The following COL25A1 variants were observed in gnomAD, a reference collection of about 807,000 sequenced individuals.
COL25A1 encodes collagen alpha-1(XXV) chain.
A neutral mutation model predicts 128.4 loss-of-function variants in COL25A1; 103 were observed. The ratio of observed to expected loss-of-function variants is 0.80; its 90% CI spans 0.68 to 0.94. COL25A1 has a LOEUF of 0.94. COL25A1 is among the 40% of genes least tolerant of loss of function. The pLI, the probability that COL25A1 is intolerant of heterozygous loss-of-function variation, is 0.00. For synonymous variants in COL25A1, 279 were observed against 277.2 expected (o/e 1.01, Z -0.06); for missense variants, 745 against 840.0 (o/e 0.89, Z 1.40).
rs60794002 is a variant in COL25A1 at position 109,256,085 on chromosome 4, G to GGTGTGTGTGTGTGTGT, written c.367+44482_367+44497dup. On this transcript the variant is annotated intron_variant, in intron 3 of 37. Transcript: ENST00000399132. Reference sequence around the variant, plus strand: ...TGTGGATATTAACATTTTAAGCATTGGTGTGTGTGTGTGTGTGTGTGTGTG... The same window carrying GGTGTGTGTGTGTGTGT: ...TGTGGATATTAACATTTTAAGCATTGGTGTGTGTGTGTGTGTGTGTGTGTGTGTGTGTGTGTGTGTG... Among the ~76,000 whole-genome samples, 200 of 143,346 alleles carry GGTGTGTGTGTGTGTGT rather than the reference G, an allele frequency of 1.4e-3. 2 individuals carry two copies. Among genetic ancestry groups the GGTGTGTGTGTGTGTGT allele is most frequent in the African/African-American group, 5.0e-3 (188 of 37,922 alleles). The allele number at this position is 143,346 out of a possible 152,430, so 94.0% of individuals were successfully genotyped here. A position where few individuals can be genotyped will look rare whatever the true frequency, so the allele number is the denominator to read the frequency against.
At chr4:109,151,259 C>G (rs1171722130) in intron 3 of COL25A1, among the ~76,000 whole-genome samples, 1 of 152,158 alleles carries the variant, frequency 6.6e-6, no homozygotes, top group East Asian at 1.9e-4. Flanking sequence ...TGCAAGTTAC[C>G]TATAGATTAG....
chr4:108,882,954 A>G (rs926562681), intron 19 of COL25A1, among the ~76,000 whole-genome samples: 4 of 152,104 alleles, frequency 2.6e-5, no homozygotes, highest in African/African-American at 9.7e-5. Flanking sequence ...CCTAAAAATC[A>G]TATTATTTCA....
rs950477496 is a variant in COL25A1, at chr4:109,261,729, G to A, written c.367+38854C>T. On this transcript the variant is annotated intron_variant, in intron 3 of 37. Coordinates refer to ENST00000399132, the MANE Select transcript of COL25A1 (RefSeq NM_198721.4). Reference sequence around the variant, plus strand: ...TTTTTTTTTTTTGAGACAGAGTCTCGCTCTGTCACCCAGGCTGGAGTGCAG... The same window carrying A: ...TTTTTTTTTTTTGAGACAGAGTCTCACTCTGTCACCCAGGCTGGAGTGCAG... 5.4e-5 allele frequency among the ~76,000 whole-genome samples: 8 copies of A among 149,284 alleles called. No individual in the cohort carries two copies. The East Asian group carries it at 8.0e-4, about 15-fold the overall frequency.
At chr4:108,979,914 T>C (rs1752798415) in intron 6 of COL25A1, among the ~76,000 whole-genome samples, 1 of 152,032 alleles carries the variant, frequency 6.6e-6, no homozygotes, top group Admixed American at 6.6e-5. Flanking sequence ...TGGAACTGGC[T>C]CTTGAAAGAT....
At chr4:109,264,366 A>G (rs80094209) in intron 3 of COL25A1, among the ~76,000 whole-genome samples, 5,604 of 152,310 alleles carry the variant, frequency 0.037, 346 homozygotes, top group African/African-American at 0.13. Flanking sequence ...CACTCTGGGT[A>G]TGGCGTGGAG....
chr4:109,182,370 T>C (rs894938001), intron 3 of COL25A1, among the ~76,000 whole-genome samples: 3 of 152,088 alleles, frequency 2.0e-5, no homozygotes, highest in African/African-American at 7.2e-5. Context: ...TTCAATTGTG[T>C]AAAGAACAGA....
chr4:108,990,376 A>T (rs13139712), intron 6 of COL25A1, among the ~76,000 whole-genome samples: 2 of 149,440 alleles, frequency 1.3e-5, no homozygotes, highest in South Asian at 2.1e-4. Context: ...AATATTTCAA[A>T]GTGAATTAAT....
chr4:109,161,827 G>A (rs1196838758), intron 3 of COL25A1, among the ~76,000 whole-genome samples: 1 of 152,190 alleles, frequency 6.6e-6, no homozygotes, highest in Non-Finnish European at 1.5e-5. Context: ...GAAACAAGAG[G>A]AGAAGTGCCT....
At chr4:108,952,255 A>C (rs1749520303) in intron 8 of COL25A1, among the ~76,000 whole-genome samples, 1 of 152,158 alleles carries the variant, frequency 6.6e-6, no homozygotes, top group Non-Finnish European at 1.5e-5. Context: ...ACATCTTTTA[A>C]TTAATTGCTT....
At chr4:108,909,292 A>G (rs1743925244) in intron 13 of COL25A1, among the ~76,000 whole-genome samples, 1 of 152,238 alleles carries the variant, frequency 6.6e-6, no homozygotes, top group South Asian at 2.1e-4. Context: ...AGGCAGTTTC[A>G]ATCTCTTTGT....
intron 26 of COL25A1, among the ~76,000 whole-genome samples, chr4:108,850,033 T>C (rs1278746750): frequency 6.6e-6 from 1 of 152,202 alleles, no homozygotes; most frequent in Non-Finnish European, 1.5e-5. Context: ...CTGCTGAGGT[T>C]GGATGCACCT....
At chr4:108,998,280 G>C (rs1052387459) in intron 6 of COL25A1, among the ~76,000 whole-genome samples, 4 of 152,106 alleles carry the variant, frequency 2.6e-5, no homozygotes, top group African/African-American at 9.7e-5. Flanking sequence ...CAAAGTCTCA[G>C]GATACAAAAT....
At chr4:108,823,880 T>G (rs2125713346) in intron 35 of COL25A1, 1 of 1,371,152 alleles carries the variant, frequency 7.3e-7, no homozygotes, top group Non-Finnish European at 9.4e-7. Flanking sequence ...AAATGATTTT[T>G]TTTTCAAAAA....
At chr4:109,016,790 A>G (rs1648028) in intron 5 of COL25A1, among the ~76,000 whole-genome samples, 77,704 of 151,980 alleles carry the variant, frequency 0.51, 22,598 homozygotes, top group African/African-American at 0.78. Flanking sequence ...AGGAGCTACC[A>G]CTCTGGGTCT....
chr4:108,838,093 C>G (rs532690860), intron 31 of COL25A1: 1 of 1,544,398 alleles, frequency 6.5e-7, no homozygotes, highest in African/African-American at 1.4e-5. Flanking sequence ...GTTTTCTTTA[C>G]TTACTGGAAG....
At chr4:108,848,599 T>C (rs1735384826) in intron 27 of COL25A1, among the ~76,000 whole-genome samples, 160 bp downstream of exon 27, 1 of 152,192 alleles carries the variant, frequency 6.6e-6, no homozygotes, top group African/African-American at 2.4e-5. Flanking sequence ...CGAAGAAAAC[T>C]AATGTCTGCT....
At chr4:109,139,632 A>G (rs1411709699) in intron 3 of COL25A1, among the ~76,000 whole-genome samples, 1 of 152,100 alleles carries the variant, frequency 6.6e-6, no homozygotes, top group African/African-American at 2.4e-5. Flanking sequence ...AGATGGTTGT[A>G]GATGTGTGGC....
At chr4:108,864,123 A>G (rs1237131267) in intron 20 of COL25A1, among the ~76,000 whole-genome samples, 1 of 152,156 alleles carries the variant, frequency 6.6e-6, no homozygotes, top group Non-Finnish European at 1.5e-5. Flanking sequence ...CTAATATGCA[A>G]TTATCCAATG....
intron 3 of COL25A1, among the ~76,000 whole-genome samples, chr4:109,215,833 C>T (rs1457503158): frequency 2.0e-5 from 3 of 152,122 alleles, no homozygotes; most frequent in African/African-American, 7.2e-5. Context: ...TGAGACCCTC[C>T]TCAAAGCGAT....
Sources: gnomAD v4.1 joint callset for allele counts (sites outside exome capture counted in the v4.1 genomes callset) on GRCh38, gnomAD v4.1.1 for gene constraint, MANE v1.5 for transcripts, NCBI Gene and HGNC (gene_info 2026-07-23, HGNC 2026-07-21) for gene names.